Variants in ZSCAN5A observed in about 807,000 individuals in gnomAD.
The protein encoded by ZSCAN5A is zinc finger and SCAN domain-containing protein 5A.
A neutral mutation model predicts 23.7 loss-of-function variants in ZSCAN5A; 12 were observed. The ratio of observed to expected loss-of-function variants is 0.51; its 90% CI spans 0.32 to 0.82. The LOEUF (loss-of-function observed/expected upper bound fraction) is 0.82. ZSCAN5A is among the 40% of genes least tolerant of loss of function. ZSCAN5A has a pLI of 0.03. For synonymous variants in ZSCAN5A, 257 were observed against 239.9 expected, an observed-to-expected ratio of 1.07 and a Z score of -0.66; for missense variants, 597 against 617.9, an observed-to-expected ratio of 0.97 and a Z score of 0.36.
Position 56,241,809 on chromosome 19 carries a change from T to A in ZSCAN5A, c.-127-16636A>T, listed in dbSNP as rs543168569. On this transcript the variant is annotated intron_variant, in intron 2 of 5. Coordinates refer to ENST00000683990, the MANE Select transcript of ZSCAN5A (RefSeq NM_001322064.3). ...ACTAGGCTTTTAAAATTATTATTCA[T>A]GTCATCTACTTCTTTTTTAATTTTT... is the stretch of plus-strand genomic sequence containing the variant. Among the ~76,000 whole-genome samples, 147 of 152,346 alleles carry A rather than the reference T, an allele frequency of 9.6e-4. 1 individual carries two copies. The highest frequency in any genetic ancestry group is 8.7e-4 in the Non-Finnish European group (59 of 68,042).
Position 56,222,728 on chromosome 19 carries a change from AG to A in ZSCAN5A, c.601del (p.Leu201CysfsTer8). On this transcript the variant is annotated frameshift_variant, in exon 5 of 6. Transcript: ENST00000683990. LOFTEE classifies it high-confidence loss of function. ...TGTTACGTCAATACTCTTGTGTAGC[AG>A]AAAGTCCTCTCCCTGAAGAGGAAAA... ...ALSRRQGEDF[L>X]LHKSIDVTGD... 1.2e-6 allele frequency: 2 copies of A among 1,614,154 alleles called. No homozygotes were observed. Among genetic ancestry groups the A allele is most frequent in the Non-Finnish European group, 1.7e-6 (2 of 1,180,026 alleles).
chr19:56,249,331 G>A (rs989781864), intron 2 of ZSCAN5A, among the ~76,000 whole-genome samples: 3 of 152,142 alleles, frequency 2.0e-5, no homozygotes, highest in African/African-American at 7.2e-5. Flanking sequence ...GAGTGCAGTC[G>A]CGCAATCTCG....
rs371491455 is a variant in ZSCAN5A at position 56,266,493 on chromosome 19, C to CCTTTTTTTTTTTTTT, written c.-127-41321_-127-41320insAAAAAAAAAAAAAAG. On this transcript the variant is annotated intron_variant, in intron 2 of 5. Transcript: ENST00000683990. ...GCTTTCTGCTTGGGAGATGCCCCCA[C>CCTTTTTTTTTTTTTT]TTTTTTTTTTTTTTTTTTTTTTGAG... The CCTTTTTTTTTTTTTT allele has an allele frequency of 2.6e-4, 15 of 58,002 alleles. 6 individuals carry two copies. Among genetic ancestry groups the CCTTTTTTTTTTTTTT allele is most frequent in the African/African-American group, 4.6e-4 (7 of 15,064 alleles). 3.6% of individuals were successfully genotyped at this position (58,002 alleles called of 1,614,324 possible).
At position 56,360,663 on chromosome 19, in the gene ZSCAN5A, C is replaced by A. The variant is rs183275798; in HGVS notation, c.-358+2572G>T. On this transcript the variant is annotated intron_variant, in intron 2 of 6. Coordinates refer to the ZSCAN5A transcript ENST00000587340. ...AATTGAAACTGGACCCTTTATTACACCTTATACAAAAATTAACTCTAGATG... is the reference window on the plus strand; with the variant it reads ...AATTGAAACTGGACCCTTTATTACAACTTATACAAAAATTAACTCTAGATG... 1.2e-3 allele frequency among the ~76,000 whole-genome samples: 189 copies of A among 152,012 alleles called. 1 individual carries two copies. Among genetic ancestry groups the A allele is most frequent in the Middle Eastern group, 3.4e-3 (1 of 292 alleles).
chr19:56,251,412 A>G (rs2036332438), intron 2 of ZSCAN5A, among the ~76,000 whole-genome samples: 1 of 152,120 alleles, frequency 6.6e-6, no homozygotes, highest in African/African-American at 2.4e-5. Flanking sequence ...GGGAGTTTCG[A>G]AAGAGAATCT....
chr19:56,302,751 C>A, intron 2 of ZSCAN5A: 1 of 389,232 alleles, frequency 2.6e-6, no homozygotes. Flanking sequence ...AAAACTTCTC[C>A]CTTCTGCACT....
rs777058512 is a variant in ZSCAN5A at position 56,224,936 on chromosome 19, G to A, written c.111C>T (p.Asp37=). The A allele has an allele frequency of 5.6e-6, 9 of 1,614,100 alleles. No individual in the cohort carries two copies. In the East Asian group the frequency reaches 8.9e-5, roughly 16 times the overall value. Residue 37 remains aspartate, a synonymous_variant, in exon 3 of 6, where the codon GAC becomes GAT. Coordinates refer to ENST00000683990, the MANE Select transcript of ZSCAN5A (RefSeq NM_001322064.3). The stretch of plus-strand genomic sequence containing the variant: ...TCACGTGAGAAATCTCAGGGTCCAC[G>A]TCGTGATTTCCAAGTTGAGTTTCTG... ...ASSETQLGNH[D]VDPEISHVNF... is the part of the protein sequence containing the mutation.
At chr19:56,232,697 C>G (rs1202991251) in intron 2 of ZSCAN5A, among the ~76,000 whole-genome samples, 2 of 151,060 alleles carry the variant, frequency 1.3e-5, no homozygotes, top group Non-Finnish European at 3.0e-5. Context: ...TTCTTTTTTT[C>G]AGACAGGGTC....
chr19:56,334,518 A>C (rs1439421094), intron 2 of ZSCAN5A, among the ~76,000 whole-genome samples: 2 of 152,182 alleles, frequency 1.3e-5, no homozygotes, highest in Non-Finnish European at 2.9e-5. Context: ...GTTACATGAA[A>C]TATTTTGATA....
intron 2 of ZSCAN5A, among the ~76,000 whole-genome samples, chr19:56,277,585 G>A (rs1248606660): frequency 6.6e-6 from 1 of 152,062 alleles, no homozygotes; most frequent in East Asian, 1.9e-4. Context: ...GTTTATTTTG[G>A]GGTGATTAAA....
rs933664006 is a variant in ZSCAN5A at position 56,237,904 on chromosome 19, G to A, written c.-127-12731C>T. ...TGTGCTCCAGCCTGGGTGGCAGAGTGAGGTTCTGTCTCAAAAATAAAAAAA... is the reference window on the plus strand; with the variant it reads ...TGTGCTCCAGCCTGGGTGGCAGAGTAAGGTTCTGTCTCAAAAATAAAAAAA... On this transcript the variant is annotated intron_variant, in intron 2 of 5. Coordinates refer to ENST00000683990, the MANE Select transcript of ZSCAN5A (RefSeq NM_001322064.3). 1.4e-4 allele frequency among the ~76,000 whole-genome samples: 21 copies of A among 146,204 alleles called. 1 individual carries two copies. Among genetic ancestry groups the A allele is most frequent in the Admixed American group, 6.8e-5 (1 of 14,702 alleles).
chr19:56,244,086 G>A lies in ZSCAN5A; in HGVS notation c.-127-18913C>T. On this transcript the variant is annotated intron_variant, in intron 2 of 5. Transcript: ENST00000683990. ...TCCTCATGGGGTCAGGGAGGACCCT[G>A]CAACAGCCCTGAGTCAGAGCCGCCA... 8 of 1,342,210 alleles carry A rather than the reference G, an allele frequency of 6.0e-6. No homozygotes were observed. The South Asian group carries it at 8.6e-5, about 14-fold the overall frequency. 83.1% of individuals were successfully genotyped at this position (1,342,210 alleles called of 1,614,324 possible). A position where few individuals can be genotyped will look rare whatever the true frequency, so the allele number is the denominator to read the frequency against.
intron 2 of ZSCAN5A, among the ~76,000 whole-genome samples, chr19:56,308,831 T>C (rs2040861863): frequency 6.6e-6 from 1 of 152,204 alleles, no homozygotes; most frequent in African/African-American, 2.4e-5. Context: ...TGAATGGTGT[T>C]GAACGGTTTC....
intron 2 of ZSCAN5A, chr19:56,263,164 A>G (rs1410038891): frequency 6.6e-6 from 1 of 152,186 alleles, no homozygotes; most frequent in Non-Finnish European, 1.5e-5. Flanking sequence ...TCTTCCAAGA[A>G]GATTGCCCAC....
chr19:56,259,461 G>T (rs937445179), intron 2 of ZSCAN5A, among the ~76,000 whole-genome samples: 1 of 152,130 alleles, frequency 6.6e-6, no homozygotes, highest in Admixed American at 6.5e-5. Context: ...TTTTCTTTGG[G>T]ATTTGGTTCC....
chr19:56,294,102 C>A (rs889983176), intron 2 of ZSCAN5A, among the ~76,000 whole-genome samples: 3 of 152,206 alleles, frequency 2.0e-5, no homozygotes, highest in Non-Finnish European at 4.4e-5. Context: ...TGAAAGCAGA[C>A]CCAGCAGGAA....
chr19:56,333,088 GA>G (rs1377360693), intron 2 of ZSCAN5A, among the ~76,000 whole-genome samples: 5 of 151,526 alleles, frequency 3.3e-5, no homozygotes, highest in African/African-American at 7.3e-5. Context: ...CTGTCTTTAA[GA>G]TTTTTTTTTT....
intron 2 of ZSCAN5A, among the ~76,000 whole-genome samples, chr19:56,331,032 A>G (rs1160215703): frequency 2.0e-5 from 3 of 152,232 alleles, no homozygotes; most frequent in African/African-American, 4.8e-5. Context: ...ATGCCTAGCC[A>G]GCAATCTCAG....
intron 2 of ZSCAN5A, among the ~76,000 whole-genome samples, chr19:56,247,972 G>C (rs186215714): frequency 6.6e-6 from 1 of 152,266 alleles, no homozygotes; most frequent in East Asian, 1.9e-4. Flanking sequence ...TTACAGGCGT[G>C]AGCCACCGCA....
Sources: gnomAD v4.1 joint callset for allele counts (sites outside exome capture counted in the v4.1 genomes callset) on GRCh38, gnomAD v4.1.1 for gene constraint, MANE v1.5 for transcripts, NCBI Gene and HGNC (gene_info 2026-07-23, HGNC 2026-07-21) for gene names.